C6orf132: variants seen among roughly 807,000 people sequenced by gnomAD.
C6orf132 encodes chromosome 6 open reading frame 132, also known as uncharacterized protein C6orf132.
C6orf132 carries 43 observed loss-of-function variants against 65.3 expected under a neutral mutation model. The observed-to-expected ratio is 0.66, with a 90% confidence interval of 0.52 to 0.85. The LOEUF is 0.85. C6orf132 is among the 40% of genes least tolerant of loss of function. The pLI is 0.00. For synonymous variants in C6orf132, 631 were observed against 654.1 expected (o/e 0.96, Z 0.54); for missense variants, 1,488 against 1,548.8 (o/e 0.96, Z 0.66).
intron 1 of C6orf132, among the ~76,000 whole-genome samples, chr6:42,132,287 G>A (rs905187044): frequency 3.3e-5 from 5 of 151,914 alleles, no homozygotes; most frequent in Admixed American, 2.6e-4. Context: ...AGGCCGAGGC[G>A]GGCGGATCAC....
In C6orf132 at chr6:42,105,134, G is replaced by T. The variant is rs1299804911; in HGVS notation, c.2778C>A (p.Gly926=). Reference sequence around the variant, plus strand: ...AGTTGTGCCTGCGGCTCAGCTCTGTGCCCTCTGCGTCTCTTCCCAGCCGCG... The same window carrying T: ...AGTTGTGCCTGCGGCTCAGCTCTGTTCCCTCTGCGTCTCTTCCCAGCCGCG... ...WGPRLGRDAE[G]TELSRRHNWT... The change falls in exon 4 of 5, where the codon GGC becomes GGA. Residue 926 remains glycine (G), a synonymous_variant. Transcript: ENST00000341865. The T allele has an allele frequency of 1.3e-6, 2 of 1,536,848 alleles. No individual in the cohort carries two copies. Among genetic ancestry groups the T allele is most frequent in the East Asian group, 2.4e-5 (1 of 40,906 alleles).
chr6:42,110,763 G>A (rs989647135), intron 2 of C6orf132, among the ~76,000 whole-genome samples: 13 of 152,200 alleles, frequency 8.5e-5, no homozygotes, highest in Non-Finnish European at 1.6e-4. Flanking sequence ...TTGTATGACA[G>A]CTAAAACAAG....
Position 42,129,882 on chromosome 6 carries a change from T to G in C6orf132, c.146-1104A>C, listed in dbSNP as rs144735485. On this transcript the variant is annotated intron_variant, in intron 1 of 4. Coordinates refer to ENST00000341865, the MANE Select transcript of C6orf132 (RefSeq NM_001164446.3). ...ACTGGGACATTGAGCTAATCATGAT[T>G]ACTTTTCTCCTTGTACATGACTTTA... Among the ~76,000 whole-genome samples, 58 of 152,348 alleles carry G rather than the reference T, an allele frequency of 3.8e-4. 1 individual carries two copies. In the East Asian group the frequency reaches 7.3e-3, roughly 19 times the overall value.
chr6:42,141,982 A>G (rs1356439150), intron 1 of C6orf132, among the ~76,000 whole-genome samples: 1 of 152,066 alleles, frequency 6.6e-6, no homozygotes, highest in Non-Finnish European at 1.5e-5. Context: ...CGCTAACAGT[A>G]ACACAAGCAT....
At chr6:42,119,274 A>G (rs1766640508) in intron 2 of C6orf132, among the ~76,000 whole-genome samples, 1 of 142,814 alleles carries the variant, frequency 7.0e-6, no homozygotes, top group Non-Finnish European at 1.5e-5. Context: ...AAAAAAAAAA[A>G]AGGGAGAATT....
intron 1 of C6orf132, among the ~76,000 whole-genome samples, chr6:42,141,020 G>A (rs1034601805): frequency 3.3e-5 from 5 of 152,220 alleles, no homozygotes; most frequent in African/African-American, 4.8e-5. Flanking sequence ...TCGAATGCTA[G>A]TTCCACTCAG....
rs544924832 is a variant in C6orf132 at position 42,117,456 on chromosome 6, A to T, written c.253-7165T>A. ...TGCTCTCATACTTTCCCTCTAACACAACTCTATGTCTATAGACATAGAGTT... is the reference window on the plus strand; with the variant it reads ...TGCTCTCATACTTTCCCTCTAACACTACTCTATGTCTATAGACATAGAGTT... On this transcript the variant is annotated intron_variant, in intron 2 of 4. Coordinates refer to ENST00000341865, the MANE Select transcript of C6orf132 (RefSeq NM_001164446.3). 4.6e-5 allele frequency among the ~76,000 whole-genome samples: 7 copies of T among 152,160 alleles called. No homozygotes were observed. In the South Asian group the frequency reaches 1.2e-3, roughly 27 times the overall value.
At position 42,105,347 on chromosome 6, in the gene C6orf132, T is replaced by A. The variant is rs746731217; in HGVS notation, c.2565A>T (p.Val855=). 87 of 1,536,600 alleles carry A rather than the reference T, an allele frequency of 5.7e-5. No individual in the cohort carries two copies. The highest frequency in any genetic ancestry group is 7.1e-5 in the Non-Finnish European group (81 of 1,146,852). Residue 855 remains valine, a synonymous_variant, in exon 4 of 5, where the codon GTA becomes GTT. Transcript: ENST00000341865. The part of the protein sequence containing the change: ...ARQRAQKGRS[V]GAALGRSSLP... ...GAGAGGACCGACCCAGGGCAGCCCC[T>A]ACAGACCTTCCCTTCTGAGCCCTCT...
At chr6:42,120,532 C>T (rs1429780484) in intron 2 of C6orf132, among the ~76,000 whole-genome samples, 2 of 152,100 alleles carry the variant, frequency 1.3e-5, no homozygotes, top group Non-Finnish European at 2.9e-5. Flanking sequence ...AGGCTTGAGC[C>T]ACCGTGCCCG....
intron 2 of C6orf132, among the ~76,000 whole-genome samples, chr6:42,122,735 G>A (rs1008182764): frequency 1.3e-5 from 2 of 152,186 alleles, no homozygotes; most frequent in Non-Finnish European, 1.5e-5. Context: ...GCAGCAGCGG[G>A]GTGGGTGGAA....
intron 2 of C6orf132, among the ~76,000 whole-genome samples, chr6:42,125,537 C>T (rs549536524): frequency 6.6e-6 from 1 of 152,328 alleles, no homozygotes; most frequent in African/African-American, 2.4e-5. Context: ...AGTGAACTTC[C>T]CCTTCCTGGT....
At chr6:42,140,397 G>A (rs759048342) in intron 1 of C6orf132, among the ~76,000 whole-genome samples, 3 of 152,068 alleles carry the variant, frequency 2.0e-5, no homozygotes, top group Non-Finnish European at 2.9e-5. Flanking sequence ...GAGGAAGGGT[G>A]TGTGTGTGTG....
In C6orf132 at chr6:42,106,974, G is replaced by A. The variant is rs1233210366; in HGVS notation, c.938C>T (p.Ser313Leu). 15 of 1,536,014 alleles carry A rather than the reference G, an allele frequency of 9.8e-6. No homozygotes were observed. Among genetic ancestry groups the A allele is most frequent in the Admixed American group, 2.0e-5 (1 of 50,892 alleles). Residue 313 changes from serine (S) to leucine (L), a missense_variant, in exon 4 of 5, where the codon TCG becomes TTG. By Grantham distance (145) the Ser-to-Leu change is moderately radical. Transcript: ENST00000341865. The stretch of plus-strand genomic sequence containing the variant: ...TTGTGCTTCCTGAACTGGGATGGAC[G>A]AAGTCCTGACTGGGGTTGGGGGAGG... ...KVPPPTPVRT[S>L]SIPVQEAQEA...
Position 42,105,970 on chromosome 6 carries a change from C to T in C6orf132, c.1942G>A (p.Glu648Lys). The part of the protein sequence containing the change: ...GPAIPPKATP[E>K]PAIPPKATLW... The stretch of plus-strand genomic sequence containing the variant: ...GTAGCCTTGGGTGGTATGGCTGGCT[C>T]AGGTGTGGCCTTGGGTGGTATGGCT... Residue 648 changes from glutamate to lysine, a missense_variant, in exon 4 of 5, where the codon GAG becomes AAG. Physicochemically the swap from Glu to Lys is moderately conservative, Grantham distance 56. Coordinates refer to ENST00000341865, the MANE Select transcript of C6orf132 (RefSeq NM_001164446.3). 2 of 1,537,022 alleles carry T rather than the reference C, an allele frequency of 1.3e-6. No homozygotes were observed. Among genetic ancestry groups the T allele is most frequent in the East Asian group, 2.4e-5 (1 of 40,900 alleles).
intron 2 of C6orf132, among the ~76,000 whole-genome samples, chr6:42,117,846 C>A (rs1766605149): frequency 1.1e-5 from 1 of 94,888 alleles, no homozygotes; most frequent in South Asian, 3.4e-4. Flanking sequence ...ATCACTTGAA[C>A]CCAGGAGGTG....
At chr6:42,128,077 A>T (rs1363309439) in intron 2 of C6orf132, among the ~76,000 whole-genome samples, 1 of 148,324 alleles carries the variant, frequency 6.7e-6, no homozygotes, top group Non-Finnish European at 1.5e-5. Context: ...GGTGCTTGCC[A>T]CTACACCGGC....
intron 4 of C6orf132, 71 bp from the exon 5 acceptor site, chr6:42,103,949 G>A: frequency 1.9e-6 from 2 of 1,052,742 alleles, no homozygotes; most frequent in Non-Finnish European, 1.3e-6. Flanking sequence ...ATCTCCCCGA[G>A]GGACCGAGAG....
rs1293615419 is a variant in C6orf132, at chr6:42,105,922, T to C, written c.1990A>G (p.Lys664Glu). ...GGTGTGGCTGGCCCAAGTGTGGCCT[T>C]GGGTGGTGTGGCTGGCCAAAGTGTA... ...KATLWPATPP[K>E]ATLGPATPLK... is the part of the protein sequence containing the mutation. Residue 664 changes from lysine to glutamate, a missense_variant, in exon 4 of 5, where the codon AAG (lysine) becomes GAG (glutamate). Transcript: ENST00000341865. 1 of 1,537,082 alleles carries C rather than the reference T, an allele frequency of 6.5e-7. No homozygotes were observed. The highest frequency in any genetic ancestry group is 2.0e-5 in the Admixed American group (1 of 51,004).
In C6orf132 at chr6:42,120,684, C is replaced by T. The variant is rs552420777; in HGVS notation, c.252+7988G>A. Among the ~76,000 whole-genome samples, 17 of 152,138 alleles carry T rather than the reference C, an allele frequency of 1.1e-4. No homozygotes were observed. In the East Asian group the frequency reaches 2.5e-3, roughly 22 times the overall value. ...GCTCTGTCACCCAGGCTGGAGTGCA[C>T]GATCTTGGCTCACTGCAACCTCCAC... On this transcript the variant is annotated intron_variant, in intron 2 of 4. Transcript: ENST00000341865.
Sources: allele counts gnomAD v4.1 joint callset (sites outside exome capture counted in the v4.1 genomes callset), GRCh38; gene constraint gnomAD v4.1.1; transcripts MANE v1.5; gene names NCBI Gene and HGNC (gene_info 2026-07-23, HGNC 2026-07-21).